Variants in BUD13 observed in about 807,000 individuals in gnomAD.
BUD13 encodes the protein BUD13 homolog.
A neutral mutation model predicts 62.5 loss-of-function variants in BUD13; 47 were observed. The observed-to-expected ratio is 0.75, with a 90% CI of 0.60 to 0.96. The LOEUF (loss-of-function observed/expected upper bound fraction) is 0.96, where lower values mean the gene tolerates loss of function less well. Ranked by LOEUF, BUD13 falls within the 40% of genes least tolerant of loss-of-function variation. The pLI is 0.00. For synonymous variants in BUD13, 293 were observed against 280.1 expected (o/e 1.05, Z -0.46); for missense variants, 821 against 790.9 (o/e 1.04, Z -0.46).
chr11:116,772,348 T>G (rs1009821544), intron 1 of BUD13, among the ~76,000 whole-genome samples: 1 of 152,176 alleles, frequency 6.6e-6, no homozygotes, highest in African/African-American at 2.4e-5. Flanking sequence ...AAGAAAAGTA[T>G]AACTATATAA....
Position 116,772,805 on chromosome 11 carries a change from G to A in BUD13, c.143+17C>T. On this transcript the variant is annotated intron_variant, in intron 1 of 9. Transcript: ENST00000260210. ...GGCTAGACGTCGCAGGCCCCGCCCC[G>A]GCCGGTACCAACTCACCCCTTGCCG... is the stretch of plus-strand genomic sequence containing the variant. The A allele has an allele frequency of 1.3e-6, 2 of 1,544,290 alleles. No individual in the cohort carries two copies. Among genetic ancestry groups the A allele is most frequent in the Non-Finnish European group, 1.7e-6 (2 of 1,148,206 alleles).
At chr11:116,758,000 C>T (rs368416443) in intron 7 of BUD13, 50 bp from the exon 8 acceptor site, 3 of 1,598,502 alleles carry the variant, frequency 1.9e-6, no homozygotes, top group Non-Finnish European at 2.6e-6. Flanking sequence ...GACATTTCCA[C>T]TTCTACACGA....
intron 9 of BUD13, among the ~76,000 whole-genome samples, chr11:116,748,980 C>CAAAAAAAAAAAAAAAAAA (rs58988682): frequency 1.3e-4 from 11 of 86,996 alleles, no homozygotes; most frequent in African/African-American, 1.8e-4. Context: ...GACTCTGTCT[C>CAAAAAAAAAAAAAAAAAA]AAAAAAAAAA....
chr11:116,757,512 G>C (rs528199586), intron 8 of BUD13, among the ~76,000 whole-genome samples: 30 of 151,128 alleles, frequency 2.0e-4, no homozygotes, highest in African/African-American at 7.0e-4. Flanking sequence ...CACCATGTTG[G>C]CCAGGCTGGT....
In BUD13 at chr11:116,765,403, A is replaced by C; in HGVS notation, c.281T>G (p.Met94Arg). The part of the protein sequence containing the change: ...VDERPEEVKQ[M>R]EAFRSSAKWK... ...TTTGGCACTGGAACGAAAGGCCTCC[A>C]TCTGCTTTACCTCTTCTGGCCGCTC... Residue 94 changes from methionine (M) to arginine (R), a missense_variant, in exon 3 of 10, where the codon ATG becomes AGG. By Grantham distance (91) the Met-to-Arg change is moderately conservative (BLOSUM62 -1). Around this residue, in one of 2 missense-constraint regions of BUD13, gnomAD observed 800 missense variants for 739.2 expected, o/e 1.08. Coordinates refer to ENST00000260210, the MANE Select transcript of BUD13 (RefSeq NM_032725.4). 1 of 1,614,180 alleles carries C rather than the reference A, an allele frequency of 6.2e-7. No individual in the cohort carries two copies. The highest frequency in any genetic ancestry group is 8.5e-7 in the Non-Finnish European group (1 of 1,180,018).
intron 9 of BUD13, among the ~76,000 whole-genome samples, chr11:116,754,174 T>C (rs1054397975): frequency 1.3e-5 from 2 of 152,196 alleles, no homozygotes; most frequent in Non-Finnish European, 2.9e-5. Flanking sequence ...GCCTCCACAG[T>C]AGCTGGGACT....
intron 1 of BUD13, among the ~76,000 whole-genome samples, chr11:116,772,328 G>C (rs1940644263): frequency 6.6e-6 from 1 of 152,110 alleles, no homozygotes; most frequent in East Asian, 1.9e-4. Context: ...TTCTTATAAT[G>C]GTGCCTGGCA....
intron 3 of BUD13, among the ~76,000 whole-genome samples, chr11:116,764,442 T>G (rs963566327): frequency 1.3e-5 from 2 of 152,144 alleles, no homozygotes; most frequent in African/African-American, 4.8e-5. Flanking sequence ...TAAGCGTACT[T>G]CCAATAACAA....
chr11:116,764,189 G>T (rs1000306542), intron 3 of BUD13, among the ~76,000 whole-genome samples: 1 of 152,160 alleles, frequency 6.6e-6, no homozygotes, highest in Non-Finnish European at 1.5e-5. Flanking sequence ...ATAGCAACTG[G>T]AACAGTTTCA....
chr11:116,763,746 T>C (rs1224211328), intron 3 of BUD13, among the ~76,000 whole-genome samples: 4 of 152,220 alleles, frequency 2.6e-5, no homozygotes, highest in Non-Finnish European at 4.4e-5. Context: ...AGATACTTTA[T>C]AGTTTGTACT....
chr11:116,755,879 C>A (rs1940313976), intron 9 of BUD13, among the ~76,000 whole-genome samples: 1 of 151,300 alleles, frequency 6.6e-6, no homozygotes, highest in Non-Finnish European at 1.5e-5. Flanking sequence ...ATATATAATC[C>A]ACATCAACAA....
chr11:116,752,482 C>G (rs1940253412), intron 9 of BUD13, among the ~76,000 whole-genome samples: 1 of 108,654 alleles, frequency 9.2e-6, no homozygotes. Context: ...AAAATGAAGA[C>G]AAATTAAATA....
Position 116,763,267 on chromosome 11 carries a change from C to G in BUD13, c.323-1G>C, listed in dbSNP as rs1049868491. ...TTTGAGGGTAGGTCTTCGTTGTGGCCTAAACACAAATAACAAAGAGTCAGA... is the reference window on the plus strand; with the variant it reads ...TTTGAGGGTAGGTCTTCGTTGTGGCGTAAACACAAATAACAAAGAGTCAGA... On this transcript the variant is annotated splice_acceptor_variant, in intron 3 of 9. Coordinates refer to ENST00000260210, the MANE Select transcript of BUD13 (RefSeq NM_032725.4). LOFTEE classifies it high-confidence loss of function. 1.3e-6 allele frequency: 2 copies of G among 1,525,092 alleles called. No homozygotes were observed. Among genetic ancestry groups the G allele is most frequent in the African/African-American group, 1.4e-5 (1 of 71,992 alleles). 94.5% of individuals were successfully genotyped at this position (1,525,092 alleles called of 1,614,324 possible). A position where few individuals can be genotyped will look rare whatever the true frequency, so the allele number is the denominator to read the frequency against.
intron 1 of BUD13, among the ~76,000 whole-genome samples, chr11:116,771,842 C>T (rs1940633008): frequency 6.6e-6 from 1 of 152,190 alleles, no homozygotes; most frequent in Non-Finnish European, 1.5e-5. Context: ...CCACAAATTG[C>T]GTGGCATAAA....
chr11:116,751,639 A>C (rs1331547462), intron 9 of BUD13, among the ~76,000 whole-genome samples: 1 of 152,132 alleles, frequency 6.6e-6, no homozygotes, highest in Non-Finnish European at 1.5e-5. Flanking sequence ...TCAAAAAAAA[A>C]AGAAGGGAAG....
At chr11:116,764,920 G>A (rs1241023450) in intron 3 of BUD13, among the ~76,000 whole-genome samples, 1 of 152,112 alleles carries the variant, frequency 6.6e-6, no homozygotes, top group Non-Finnish European at 1.5e-5. Flanking sequence ...AAAGAAGAGA[G>A]AAATTTACTA....
intron 1 of BUD13, among the ~76,000 whole-genome samples, chr11:116,771,192 T>C (rs553271074): frequency 6.6e-6 from 1 of 152,328 alleles, no homozygotes; most frequent in South Asian, 2.1e-4. Context: ...CACTCAAGAC[T>C]AAGAACCCTT....
At chr11:116,756,989 A>G (rs1049691571) in intron 9 of BUD13, among the ~76,000 whole-genome samples, 157 bp downstream of exon 9, 2 of 152,234 alleles carry the variant, frequency 1.3e-5, no homozygotes, top group African/African-American at 4.8e-5. Context: ...TCCAAGCATG[A>G]GAAATAGGAT....
chr11:116,757,034 A>C (rs921399225), intron 9 of BUD13, 112 bp downstream of exon 9: 2 of 1,005,290 alleles, frequency 2.0e-6, no homozygotes, highest in East Asian at 2.5e-5. Context: ...AGCAAAGTGC[A>C]TATTTTTCAC....
Sources: gnomAD v4.1 joint callset for allele counts (sites outside exome capture counted in the v4.1 genomes callset) on GRCh38, gnomAD v4.1.1 for gene constraint, gnomAD v4.1.1 regional missense constraint, MANE v1.5 for transcripts, NCBI Gene and HGNC (gene_info 2026-07-23, HGNC 2026-07-21) for gene names.